Variants in CSMD1 observed in about 807,000 individuals in gnomAD.
CSMD1 encodes CUB and Sushi multiple domains 1, also known as CUB and sushi domain-containing protein 1.
A neutral mutation model predicts 417.5 loss-of-function variants in CSMD1; 213 were observed. The observed-to-expected ratio is 0.51, with a 90% CI of 0.46 to 0.57. The LOEUF is 0.57. Ranked by LOEUF, CSMD1 falls within the 20% of genes least tolerant of loss-of-function variation. The probability of loss-of-function intolerance (pLI) is 0.00; values close to 1 mark genes in which losing one functional copy is unlikely to be tolerated. For synonymous variants in CSMD1, 2,862 were observed against 1,736.8 expected, an observed-to-expected ratio of 1.65 and a Z score of -16.11; for missense variants, 6,923 against 4,529.7, an observed-to-expected ratio of 1.53 and a Z score of -15.17.
intron 3 of CSMD1, among the ~76,000 whole-genome samples, chr8:4,249,559 G>A (rs563320498): frequency 7.4e-4 from 112 of 152,266 alleles, no homozygotes; most frequent in African/African-American, 2.3e-3. Flanking sequence ...CCTGAGGAGC[G>A]GATCTAACCA....
At chr8:4,858,263 T>C (rs1393496097) in intron 1 of CSMD1, among the ~76,000 whole-genome samples, 2 of 151,018 alleles carry the variant, frequency 1.3e-5, no homozygotes, top group African/African-American at 2.4e-5. Context: ...TGGGACGTAT[T>C]TCAAAATAAT....
At chr8:3,095,912 T>C (rs1448098534) in intron 47 of CSMD1, among the ~76,000 whole-genome samples, 1 of 152,176 alleles carries the variant, frequency 6.6e-6, no homozygotes, top group Non-Finnish European at 1.5e-5. Context: ...TTGAAAACAG[T>C]ATTGCACGTG....
intron 2 of CSMD1, among the ~76,000 whole-genome samples, chr8:4,554,609 G>C (rs922327453): frequency 1.3e-5 from 2 of 152,118 alleles, no homozygotes; most frequent in Non-Finnish European, 2.9e-5. Context: ...ACCGTTCTCA[G>C]GATGTGTTGA....
At chr8:3,783,463 T>C (rs1051830860) in intron 5 of CSMD1, among the ~76,000 whole-genome samples, 1 of 152,090 alleles carries the variant, frequency 6.6e-6, no homozygotes, top group Admixed American at 6.5e-5. Context: ...CACAGAAGCA[T>C]TGGCGGGCTG....
At chr8:4,199,432 T>C (rs928444316) in intron 3 of CSMD1, among the ~76,000 whole-genome samples, 30 of 152,186 alleles carry the variant, frequency 2.0e-4, no homozygotes, top group African/African-American at 6.5e-4. Flanking sequence ...TGTCAAGTCA[T>C]GTAAGTCTAT....
At chr8:3,714,235 C>T (rs1801696159) in intron 6 of CSMD1, among the ~76,000 whole-genome samples, 1 of 150,618 alleles carries the variant, frequency 6.6e-6, no homozygotes, top group Non-Finnish European at 1.5e-5. Context: ...CTCCCAATGT[C>T]AGACATACTA....
intron 2 of CSMD1, among the ~76,000 whole-genome samples, chr8:4,474,105 A>G (rs917333442): frequency 1.3e-5 from 2 of 152,184 alleles, no homozygotes; most frequent in African/African-American, 4.8e-5. Context: ...AACATACACA[A>G]AAAGAAACTA....
intron 4 of CSMD1, among the ~76,000 whole-genome samples, chr8:4,012,266 G>A (rs577345669): frequency 1.3e-5 from 2 of 152,006 alleles, no homozygotes; most frequent in African/African-American, 4.8e-5. Flanking sequence ...AATCTTATTG[G>A]CCAGTTCTTC....
At chr8:4,161,407 G>T (rs1480560466) in intron 3 of CSMD1, among the ~76,000 whole-genome samples, 1 of 152,194 alleles carries the variant, frequency 6.6e-6, no homozygotes, top group African/African-American at 2.4e-5. Flanking sequence ...AGGTAAACTT[G>T]TCATTCCTCC....
At chr8:4,818,172 T>A (rs1799313808) in intron 1 of CSMD1, among the ~76,000 whole-genome samples, 1 of 152,176 alleles carries the variant, frequency 6.6e-6, no homozygotes, top group African/African-American at 2.4e-5. Context: ...GATTTATATA[T>A]TCTCAATATA....
intron 5 of CSMD1, among the ~76,000 whole-genome samples, chr8:3,918,219 G>T (rs147880863): frequency 7.9e-5 from 12 of 152,132 alleles, no homozygotes; most frequent in Admixed American, 5.2e-4. Flanking sequence ...CCTGGAAGTG[G>T]GGATTGCTGG....
chr8:4,297,166 G>T (rs1341805245), intron 3 of CSMD1, among the ~76,000 whole-genome samples: 1 of 152,036 alleles, frequency 6.6e-6, no homozygotes, highest in African/African-American at 2.4e-5. Context: ...AAATAGTCAT[G>T]AATATACTTT....
At chr8:3,102,688 A>T (rs1440768404) in intron 46 of CSMD1, among the ~76,000 whole-genome samples, 1 of 152,188 alleles carries the variant, frequency 6.6e-6, no homozygotes, top group Non-Finnish European at 1.5e-5. Flanking sequence ...CTGTTTCCAT[A>T]CTAACGGAGT....
intron 29 of CSMD1, among the ~76,000 whole-genome samples, chr8:3,218,263 G>C (rs528257973): frequency 6.8e-4 from 103 of 152,204 alleles, no homozygotes; most frequent in Non-Finnish European, 1.4e-3. Flanking sequence ...AAAATGTTGA[G>C]ATAAAATGAA....
chr8:3,702,433 C>G (rs1322488795), intron 7 of CSMD1, among the ~76,000 whole-genome samples: 1 of 152,204 alleles, frequency 6.6e-6, no homozygotes, highest in Non-Finnish European at 1.5e-5. Context: ...CACAGATTAT[C>G]TACTTTAGTA....
At chr8:4,366,356 G>A (rs566024298) in intron 3 of CSMD1, among the ~76,000 whole-genome samples, 2 of 151,702 alleles carry the variant, frequency 1.3e-5, no homozygotes, top group East Asian at 1.9e-4. Flanking sequence ...CTGATTCCAC[G>A]TGTTTACCAT....
chr8:4,306,970 T>C (rs1020027770), intron 3 of CSMD1, among the ~76,000 whole-genome samples: 1 of 152,196 alleles, frequency 6.6e-6, no homozygotes, highest in African/African-American at 2.4e-5. Flanking sequence ...ATCTCTCAGA[T>C]CGACTGTCTT....
intron 1 of CSMD1, among the ~76,000 whole-genome samples, chr8:4,926,831 T>A (rs1585344176): frequency 6.6e-6 from 1 of 152,116 alleles, no homozygotes; most frequent in Non-Finnish European, 1.5e-5. Context: ...TACCTAGAAC[T>A]CCTCCCTAAA....
intron 7 of CSMD1, among the ~76,000 whole-genome samples, chr8:3,685,044 C>A (rs557778382): frequency 6.6e-6 from 1 of 151,982 alleles, no homozygotes; most frequent in Admixed American, 6.6e-5. Flanking sequence ...ATCATCCAAG[C>A]CCAGTTTTTG....
Sources: allele counts gnomAD v4.1 joint callset (sites outside exome capture counted in the v4.1 genomes callset), GRCh38; gene constraint gnomAD v4.1.1; transcripts MANE v1.5; gene names NCBI Gene and HGNC (gene_info 2026-07-23, HGNC 2026-07-21).